Variants in FBLIM1 observed in about 807,000 individuals in gnomAD.
The protein encoded by FBLIM1 is filamin-binding LIM protein 1.
In FBLIM1, 29 loss-of-function variants were observed where a neutral mutation model predicts 37.4. That is an observed-to-expected ratio of 0.77 (90% CI 0.58 to 1.06). The LOEUF (loss-of-function observed/expected upper bound fraction) is 1.06, where lower values mean the gene tolerates loss of function less well. FBLIM1 is among the 50% of genes least tolerant of loss of function. FBLIM1 has a pLI of 0.00. For synonymous variants in FBLIM1, 193 were observed against 199.0 expected (o/e 0.97, Z 0.25); for missense variants, 449 against 505.6 (o/e 0.89, Z 1.07).
At position 15,767,527 on chromosome 1, in the gene FBLIM1, G is replaced by A; in HGVS notation, c.402G>A (p.Glu134=). Residue 134 remains glutamate (E), a synonymous_variant, in exon 4 of 9, where the codon GAG becomes GAA. Transcript: ENST00000375766. ...PMGASLIADL[E]QLHLSPPPPP... is the part of the protein sequence containing the mutation. ...GGGCCTCACTCATTGCAGACTTAGA[G>A]CAGCTGCACCTGTCCCCGCCCCCGC... 1 of 1,503,196 alleles carries A rather than the reference G, an allele frequency of 6.7e-7. No homozygotes were observed. Among genetic ancestry groups the A allele is most frequent in the South Asian group, 1.3e-5 (1 of 78,326 alleles). The allele number at this position is 1,503,196 out of a possible 1,614,324, so 93.1% of individuals were successfully genotyped here.
chr1:15,776,381 T>C (rs2069487532), intron 7 of FBLIM1, among the ~76,000 whole-genome samples: 1 of 152,188 alleles, frequency 6.6e-6, no homozygotes, highest in East Asian at 1.9e-4. Flanking sequence ...CAGGTAAGTA[T>C]TGAAGCTCTT....
At chr1:15,763,290 G>A (rs1460694055) in intron 1 of FBLIM1, among the ~76,000 whole-genome samples, 5 of 151,610 alleles carry the variant, frequency 3.3e-5, no homozygotes, top group Admixed American at 6.6e-5. Context: ...GGCTGGTCTC[G>A]AACTCCAGAC....
intron 4 of FBLIM1, 65 bp from the exon 5 acceptor site, chr1:15,768,463 G>T (rs1314216335): frequency 8.8e-7 from 1 of 1,131,578 alleles, no homozygotes; most frequent in Non-Finnish European, 1.2e-6. Context: ...CCACCCAGAT[G>T]AGGAACAGAG....
In FBLIM1 at chr1:15,765,022, C is replaced by G; in HGVS notation, c.39C>G (p.Val13=). Reference sequence around the variant, plus strand: ...CTGAGAAGAGGGTGGCATCGTCTGTCTTTATCACCCTGGCACCCCCGCGCC... The same window carrying G: ...CTGAGAAGAGGGTGGCATCGTCTGTGTTTATCACCCTGGCACCCCCGCGCC... The part of the protein sequence containing the change: ...SKPEKRVASS[V]FITLAPPRRD... The change falls in exon 3 of 9, where the codon GTC becomes GTG. Residue 13 remains valine, a synonymous_variant. Transcript: ENST00000375766. The surrounding 1 kb of genome is among the most constrained non-coding windows in gnomAD (Gnocchi z 5.9). 2.5e-6 allele frequency: 4 copies of G among 1,613,976 alleles called. No homozygotes were observed. Among genetic ancestry groups the G allele is most frequent in the Non-Finnish European group, 3.4e-6 (4 of 1,179,952 alleles).
At chr1:15,766,738 G>T (rs1170184917) in intron 3 of FBLIM1, among the ~76,000 whole-genome samples, 2 of 151,730 alleles carry the variant, frequency 1.3e-5, no homozygotes, top group African/African-American at 4.8e-5. Flanking sequence ...GGGATTACAG[G>T]CATGCCCACC....
chr1:15,772,474 TG>T (rs1371530808), intron 6 of FBLIM1, among the ~76,000 whole-genome samples: 2 of 148,860 alleles, frequency 1.3e-5, no homozygotes, highest in African/African-American at 5.0e-5. Context: ...GAGGGGGGAG[TG>T]GGAGATGCCC....
chr1:15,759,791 C>G (rs933635737), intron 1 of FBLIM1, among the ~76,000 whole-genome samples: 1 of 152,234 alleles, frequency 6.6e-6, no homozygotes, highest in Non-Finnish European at 1.5e-5. Context: ...TCTCTACCTC[C>G]TCTGTTTCCC....
intron 3 of FBLIM1, among the ~76,000 whole-genome samples, chr1:15,767,135 T>C (rs1405920804): frequency 6.6e-6 from 1 of 151,936 alleles, no homozygotes; most frequent in Non-Finnish European, 1.5e-5. Flanking sequence ...TCAAGCGAAC[T>C]GCCTACCTCG....
In FBLIM1 at chr1:15,762,733, A is replaced by G. The variant is rs137999422; in HGVS notation, c.-210-1763A>G. On this transcript the variant is annotated intron_variant, in intron 1 of 8. Coordinates refer to ENST00000375766, the MANE Select transcript of FBLIM1 (RefSeq NM_017556.4). ...GCGCTCTGATATCCTCTAGGCACAC[A>G]AAGAATGCAGACACCGGTCAGACGC... Among the ~76,000 whole-genome samples the G allele has an allele frequency of 4.3e-3, 659 of 152,334 alleles. 4 individuals carry two copies. Among genetic ancestry groups the G allele is most frequent in the African/African-American group, 0.014 (563 of 41,568 alleles).
At chr1:15,778,168 A>T (rs1466341222) in intron 8 of FBLIM1, among the ~76,000 whole-genome samples, 2 of 152,150 alleles carry the variant, frequency 1.3e-5, no homozygotes, top group African/African-American at 4.8e-5. Flanking sequence ...GCAGAACCAT[A>T]TAAAAAAGGA....
At chr1:15,769,220 T>C (rs1380871609) in intron 5 of FBLIM1, among the ~76,000 whole-genome samples, 1 of 152,204 alleles carries the variant, frequency 6.6e-6, no homozygotes, top group Non-Finnish European at 1.5e-5. Context: ...CTCACGCCTA[T>C]AATCCCAGCA....
At chr1:15,783,174 C>T (rs10737910) in intron 8 of FBLIM1, among the ~76,000 whole-genome samples, 131,437 of 152,116 alleles carry the variant, frequency 0.86, 56,891 homozygotes, top group African/African-American at 0.89. Context: ...AATTGTCCCC[C>T]CTGTTATTCT....
intron 1 of FBLIM1, among the ~76,000 whole-genome samples, chr1:15,763,759 C>A (rs1264447432): frequency 6.6e-6 from 1 of 151,968 alleles, no homozygotes; most frequent in African/African-American, 2.4e-5. Flanking sequence ...CCTGCCTCAC[C>A]CTCCCAAGTA....
At chr1:15,758,239 G>A (rs1376384241), upstream of FBLIM1, 4 of 152,272 alleles carry the variant, frequency 2.6e-5, no homozygotes, top group East Asian at 7.7e-4. This position sits in a 1 kb window ranked among gnomAD's most constrained non-coding sequence, Gnocchi z 6.2. Context: ...GGCTCAGGAG[G>A]TGGCGTGACT....
chr1:15,771,942 G>C (rs760331780), intron 6 of FBLIM1, among the ~76,000 whole-genome samples: 24 of 151,882 alleles, frequency 1.6e-4, no homozygotes, highest in Non-Finnish European at 2.9e-4. Context: ...TCCAATGTTT[G>C]ATCTCACGGG....
intron 1 of FBLIM1, among the ~76,000 whole-genome samples, chr1:15,763,065 CT>C (rs1364919948): frequency 2.7e-5 from 4 of 146,820 alleles, no homozygotes; most frequent in Non-Finnish European, 6.0e-5. Context: ...GAGAGCCATA[CT>C]TTTTTTCTTT....
Position 15,770,511 on chromosome 1 carries a change from G to A in FBLIM1, c.644G>A (p.Arg215His), listed in dbSNP as rs747198427. 32 of 1,613,682 alleles carry A rather than the reference G, an allele frequency of 2.0e-5. 1 individual carries two copies. The highest frequency in any genetic ancestry group is 8.9e-5 in the East Asian group (4 of 44,884). Residue 215 changes from arginine to histidine, a missense_variant, in exon 6 of 9, where the codon CGC becomes CAC. Arg to His is a conservative substitution (Grantham distance 29). Transcript: ENST00000375766. ...HAQCFTCRTC[R>H]RQLAGQSFYQ... is the part of the protein sequence containing the mutation. ...CAGTGCTTCACGTGCCGCACCTGCC[G>A]CCGCCAGCTGGCTGGGCAGAGCTTC...
chr1:15,760,244 C>A (rs1351580007), intron 1 of FBLIM1, among the ~76,000 whole-genome samples: 3 of 145,902 alleles, frequency 2.1e-5, no homozygotes, highest in African/African-American at 7.7e-5. Flanking sequence ...AATAACAAAG[C>A]TTAAGCCGGG....
chr1:15,774,573 G>T, intron 6 of FBLIM1, 45 bp from the exon 7 acceptor site: 1 of 1,569,544 alleles, frequency 6.4e-7, no homozygotes, highest in Non-Finnish European at 8.7e-7. Context: ...TCGTGGGTTG[G>T]GGTGGGTGTG....
Sources: gnomAD v4.1 joint callset for allele counts (sites outside exome capture counted in the v4.1 genomes callset) on GRCh38, gnomAD v4.1.1 for gene constraint, Gnocchi (gnomAD v3.1) non-coding constraint, MANE v1.5 for transcripts, NCBI Gene and HGNC (gene_info 2026-07-23, HGNC 2026-07-21) for gene names.